The following CEP41 variants were observed in gnomAD, a reference collection of about 807,000 sequenced individuals.
The protein encoded by CEP41 is centrosomal protein of 41 kDa.
CEP41 carries 32 observed loss-of-function variants against 44.3 expected under a neutral mutation model. The ratio of observed to expected loss-of-function variants is 0.72; its 90% CI spans 0.54 to 0.97. CEP41 has a LOEUF of 0.97. CEP41 is among the 50% of genes least tolerant of loss of function. The pLI, the probability that CEP41 is intolerant of heterozygous loss-of-function variation, is 0.00. For missense variants in CEP41, 432 were observed against 455.2 expected, an observed-to-expected ratio of 0.95 and a Z score of 0.46; for synonymous variants, 151 against 168.5, an observed-to-expected ratio of 0.90 and a Z score of 0.80.
At chr7:130,425,357 G>A (rs1467621745) in intron 2 of CEP41, among the ~76,000 whole-genome samples, 17 of 152,274 alleles carry the variant, frequency 1.1e-4, no homozygotes, top group African/African-American at 4.1e-4. Context: ...AGGTTGCAGC[G>A]AGCCAAGATC....
intron 1 of CEP41, 129 bp from the exon 2 acceptor site, chr7:130,428,147 G>A (rs1239704012): frequency 1.8e-5 from 13 of 705,236 alleles, no homozygotes; most frequent in Admixed American, 4.1e-5. Context: ...GATGGTGCCG[G>A]GCATGGTGGC....
intron 2 of CEP41, chr7:130,421,623 G>T (rs782179411): frequency 5.0e-5 from 51 of 1,012,376 alleles, no homozygotes; most frequent in Non-Finnish European, 5.9e-5. Flanking sequence ...AAGAGGGAAT[G>T]AATAGTTTGT....
In CEP41 at chr7:130,424,581, G is replaced by T. The variant is rs1440233340; in HGVS notation, c.97+3374C>A. Among the ~76,000 whole-genome samples, 3 of 152,066 alleles carry T rather than the reference G, an allele frequency of 2.0e-5. No homozygotes were observed. The East Asian group carries it at 5.8e-4, about 29-fold the overall frequency. ...ACGTAAATATGCCCAACTGATTTTT[G>T]ACAAGGGTGAACACGTAATTAAATA... On this transcript the variant is annotated intron_variant, in intron 2 of 10. Coordinates refer to ENST00000223208, the MANE Select transcript of CEP41 (RefSeq NM_018718.3).
intron 4 of CEP41, among the ~76,000 whole-genome samples, chr7:130,411,669 C>G (rs1019927393): frequency 6.6e-6 from 1 of 152,172 alleles, no homozygotes; most frequent in Non-Finnish European, 1.5e-5. Context: ...ACTTAGCTCA[C>G]AAGACCCAAG....
In CEP41 at chr7:130,412,192, G is replaced by A; in HGVS notation, c.194C>T (p.Thr65Ile). Reference protein sequence around the residue: ...DELFKRLKVTTFAQLIIQVAS... With the variant: ...DELFKRLKVTIFAQLIIQVAS... ...CAAGAAACTTACCAGCTGGGCAAAA[G>A]TTGTAACTTTTAGTCTCTTGAAAAG... Residue 65 changes from threonine (T) to isoleucine (I), a missense_variant, in exon 4 of 11, where the codon ACT becomes ATT. Physicochemically the swap from Thr to Ile is moderately conservative, Grantham distance 89. Coordinates refer to ENST00000223208, the MANE Select transcript of CEP41 (RefSeq NM_018718.3). 6.4e-7 allele frequency: 1 copy of A among 1,551,200 alleles called. No individual in the cohort carries two copies. The highest frequency in any genetic ancestry group is 1.7e-5 in the Admixed American group (1 of 59,934).
At chr7:130,399,876 G>A (rs1168624266) in intron 10 of CEP41, 163 bp downstream of exon 10, 13 of 656,990 alleles carry the variant, frequency 2.0e-5, no homozygotes, top group Non-Finnish European at 3.3e-5. Flanking sequence ...CGTAATTCTT[G>A]CCACTATCTG....
chr7:130,399,388 T>C, intron 10 of CEP41: 2 of 321,912 alleles, frequency 6.2e-6, no homozygotes, highest in Non-Finnish European at 1.2e-5. Flanking sequence ...GAAACTAAGG[T>C]AGGAAGACAA....
chr7:130,403,051 T>C (rs1260164530), intron 6 of CEP41, among the ~76,000 whole-genome samples: 2 of 152,132 alleles, frequency 1.3e-5, no homozygotes, highest in Non-Finnish European at 2.9e-5. Context: ...TGCGTGTCAG[T>C]GCATTACATG....
upstream of CEP41, chr7:130,441,092 C>T (rs554260941): frequency 6.0e-4 from 681 of 1,138,246 alleles, 5 homozygotes; most frequent in East Asian, 4.1e-3. Context: ...CCGTCTTCCC[C>T]GGCCGGCCAA....
intron 2 of CEP41, among the ~76,000 whole-genome samples, chr7:130,425,328 G>A (rs983585927): frequency 3.9e-5 from 6 of 152,120 alleles, no homozygotes; most frequent in Non-Finnish European, 7.4e-5. Flanking sequence ...CAGGAGAATC[G>A]CTTGAACCTG....
Position 130,424,194 on chromosome 7 carries a change from C to T in CEP41, c.97+3761G>A, listed in dbSNP as rs552519321. On this transcript the variant is annotated intron_variant, in intron 2 of 10. Coordinates refer to ENST00000223208, the MANE Select transcript of CEP41 (RefSeq NM_018718.3). Reference sequence around the variant, plus strand: ...GGTGGATCACTTGAGGTCAGACGTTCATGACCAGCCTGGCCAACATGGTAG... The same window carrying T: ...GGTGGATCACTTGAGGTCAGACGTTTATGACCAGCCTGGCCAACATGGTAG... 3.6e-3 allele frequency among the ~76,000 whole-genome samples: 542 copies of T among 152,174 alleles called. 2 individuals carry two copies. Among genetic ancestry groups the T allele is most frequent in the Middle Eastern group, 0.014 (4 of 294 alleles).
Position 130,441,008 on chromosome 7 carries a change from G to C in CEP41, c.-42C>G, listed in dbSNP as rs1563003147. 6.2e-7 allele frequency: 1 copy of C among 1,608,290 alleles called. No homozygotes were observed. The highest frequency in any genetic ancestry group is 2.2e-5 in the East Asian group (1 of 44,860). On this transcript the variant is annotated 5_prime_UTR_variant, in exon 1 of 11. Coordinates refer to ENST00000223208, the MANE Select transcript of CEP41 (RefSeq NM_018718.3). ...CACGTTCGGGGTTCTAGCCTCACGGGTTGCCTCTAACCCTAGCTTCCTACC... is the reference window on the plus strand; with the variant it reads ...CACGTTCGGGGTTCTAGCCTCACGGCTTGCCTCTAACCCTAGCTTCCTACC...
At position 130,396,871 on chromosome 7, in the gene CEP41, A is replaced by G. The variant is rs1554414814; in HGVS notation, c.*2020T>C. The G allele has an allele frequency of 4.5e-6, 2 of 447,832 alleles. No individual in the cohort carries two copies. Among genetic ancestry groups the G allele is most frequent in the African/African-American group, 2.0e-5 (1 of 49,792 alleles). 27.7% of individuals were successfully genotyped at this position (447,832 alleles called of 1,614,324 possible). On this transcript the variant is annotated 3_prime_UTR_variant, in exon 11 of 11. Transcript: ENST00000223208. Reference sequence around the variant, plus strand: ...CTGACCTGGCTTTCCACATATATACAGTGGTTTCTAATACTCCAAAGTTGT... The same window carrying G: ...CTGACCTGGCTTTCCACATATATACGGTGGTTTCTAATACTCCAAAGTTGT...
chr7:130,401,813 G>T, intron 8 of CEP41, 68 bp downstream of exon 8: 1 of 1,023,978 alleles, frequency 9.8e-7, no homozygotes, highest in Non-Finnish European at 1.5e-6. Context: ...CCAGGAGCGT[G>T]GTTCATGATA....
Position 130,395,925 on chromosome 7 carries a change from T to G in CEP41, c.*2966A>C. On this transcript the variant is annotated 3_prime_UTR_variant, in exon 11 of 11. Transcript: ENST00000223208. ...AAAGATAAAATGAATGCAGGCCATT[T>G]AAATCATTCCATACTTTTTCAAGAG... 1 of 450,556 alleles carries G rather than the reference T, an allele frequency of 2.2e-6. No individual in the cohort carries two copies. The highest frequency in any genetic ancestry group is 4.4e-6 in the Non-Finnish European group (1 of 226,090). The allele number at this position is 450,556 out of a possible 1,614,324, so 27.9% of individuals were successfully genotyped here. A position where few individuals can be genotyped will look rare whatever the true frequency, so the allele number is the denominator to read the frequency against.
intron 1 of CEP41, among the ~76,000 whole-genome samples, chr7:130,434,635 A>G (rs1294947160): frequency 6.6e-6 from 1 of 152,244 alleles, no homozygotes; most frequent in Admixed American, 6.5e-5. Context: ...TAAACTGGAC[A>G]TATTTATCAA....
chr7:130,405,725 C>G (rs926686587), intron 5 of CEP41, among the ~76,000 whole-genome samples: 3 of 152,184 alleles, frequency 2.0e-5, no homozygotes, highest in African/African-American at 7.2e-5. Flanking sequence ...AGTTACACTG[C>G]AAGTGCCTGA....
At chr7:130,422,755 T>C (rs1797546052) in intron 2 of CEP41, among the ~76,000 whole-genome samples, 1 of 152,172 alleles carries the variant, frequency 6.6e-6, no homozygotes, top group Non-Finnish European at 1.5e-5. Context: ...TGAAACACAC[T>C]TTGGCCCTTC....
At chr7:130,437,764 CAAAAAA>C (rs1171735164) in intron 1 of CEP41, among the ~76,000 whole-genome samples, 2 of 32,424 alleles carry the variant, frequency 6.2e-5, no homozygotes, top group African/African-American at 1.2e-4. Context: ...AAGACTGTCT[CAAAAAA>C]AAAAAAAAAA....
Sources: gnomAD v4.1 joint callset for allele counts (sites outside exome capture counted in the v4.1 genomes callset) on GRCh38, gnomAD v4.1.1 for gene constraint, MANE v1.5 for transcripts, NCBI Gene and HGNC (gene_info 2026-07-23, HGNC 2026-07-21) for gene names.